ABCC8: variants seen among roughly 807,000 people sequenced by gnomAD.
The protein encoded by ABCC8 is ATP-binding cassette sub-family C member 8.
Under a neutral mutation model 188.0 loss-of-function variants are expected in ABCC8, and 137 were observed. That is an observed-to-expected ratio of 0.73 (90% CI 0.63 to 0.84). The LOEUF (loss-of-function observed/expected upper bound fraction) is 0.84, where lower values mean the gene tolerates loss of function less well. Ranked by LOEUF, ABCC8 falls within the 40% of genes least tolerant of loss-of-function variation. The pLI, the probability that ABCC8 is intolerant of heterozygous loss-of-function variation, is 0.00. For synonymous variants in ABCC8, 797 were observed against 846.5 expected (o/e 0.94, Z 1.01); for missense variants, 1,750 against 2,072.7 (o/e 0.84, Z 3.02).
chr11:17,466,008 C>T (rs1402132842), intron 3 of ABCC8, among the ~76,000 whole-genome samples: 1 of 152,166 alleles, frequency 6.6e-6, no homozygotes, highest in Non-Finnish European at 1.5e-5. Context: ...CATATCCATA[C>T]AGTAGAATAT....
Position 17,427,766 on chromosome 11 carries a change from C to T in ABCC8, c.2116+101G>A, listed in dbSNP as rs948606481. 1 of 1,456,784 alleles carries T rather than the reference C, an allele frequency of 6.9e-7. No individual in the cohort carries two copies. The highest frequency in any genetic ancestry group is 9.4e-7 in the Non-Finnish European group (1 of 1,068,146). The allele number at this position is 1,456,784 out of a possible 1,614,324, so 90.2% of individuals were successfully genotyped here. On this transcript the variant is annotated intron_variant, in intron 15 of 38. Coordinates refer to ENST00000389817, the MANE Select transcript of ABCC8 (RefSeq NM_000352.6). The surrounding 1 kb of genome is among the most constrained non-coding windows in gnomAD (Gnocchi z 5.0). The stretch of plus-strand genomic sequence containing the variant: ...ACCCAGGGCATACACCAAGAATGAG[C>T]AGAGAGTAGGTGCTCAATAAATGCA...
chr11:17,416,019 C>A (rs922397667), intron 17 of ABCC8, among the ~76,000 whole-genome samples: 1 of 152,228 alleles, frequency 6.6e-6, no homozygotes, highest in African/African-American at 2.4e-5. Flanking sequence ...GCCATGAGGT[C>A]TGATTTTTGG....
chr11:17,467,330 T>C (rs1475264785), intron 3 of ABCC8, among the ~76,000 whole-genome samples: 1 of 152,056 alleles, frequency 6.6e-6, no homozygotes, highest in African/African-American at 2.4e-5. Flanking sequence ...GGCACAAGAA[T>C]CCGCTTGAAC....
At position 17,397,042 on chromosome 11, in the gene ABCC8, T is replaced by C; in HGVS notation, c.3993A>G (p.Pro1331=). ...EAESYEGLLA[P]SLIPKNWPDQ... is the part of the protein sequence containing the mutation. ...CTGGCCAGTTCTTTGGGATCAGCGA[T>C]GGTGCTGGGGGCCGGGCTGGGCTCA... The change falls in exon 33 of 39, where the codon CCA becomes CCG. Residue 1331 remains proline, a synonymous_variant. Transcript: ENST00000389817. 1.9e-6 allele frequency: 3 copies of C among 1,614,158 alleles called. No individual in the cohort carries two copies. The highest frequency in any genetic ancestry group is 2.2e-5 in the South Asian group (2 of 91,088).
At chr11:17,463,415 C>T (rs559259981) in intron 4 of ABCC8, 23 bp downstream of exon 4, 4 of 1,585,808 alleles carry the variant, frequency 2.5e-6, no homozygotes, top group East Asian at 2.3e-5. Context: ...CCCACCCCAC[C>T]CTGGCCCAGG....
chr11:17,464,307 C>T (rs1442429309), intron 3 of ABCC8, among the ~76,000 whole-genome samples: 1 of 152,146 alleles, frequency 6.6e-6, no homozygotes, highest in African/African-American at 2.4e-5. Flanking sequence ...GTTCAGAGCC[C>T]ACCACAGCAT....
chr11:17,461,368 G>T, intron 5 of ABCC8: 1 of 634,550 alleles, frequency 1.6e-6, no homozygotes, highest in South Asian at 1.9e-5. Flanking sequence ...CGACCTAAAC[G>T]GTAAGGGCCA....
Position 17,442,768 on chromosome 11 carries a change from T to C in ABCC8, c.1582A>G (p.Lys528Glu). ...AAGGCCCTGAGGCTGGTCATCTCCT[T>C]CCTGCGGGTCGTCTCCACCCGCGTG... ...FRTRVETTRR[K>E]EMTSLRAFAI... The change falls in exon 10 of 39, where the codon AAG becomes GAG. Residue 528 changes from lysine (K) to glutamate (E), a missense_variant. Physicochemically the swap from Lys to Glu is moderately conservative, Grantham distance 56. Transcript: ENST00000389817. 1 of 1,613,990 alleles carries C rather than the reference T, an allele frequency of 6.2e-7. No homozygotes were observed. The highest frequency in any genetic ancestry group is 1.7e-4 in the Middle Eastern group (1 of 5,924).
At chr11:17,460,455 AG>A in intron 6 of ABCC8, 32 bp downstream of exon 6, 1 of 1,613,830 alleles carries the variant, frequency 6.2e-7, no homozygotes, top group East Asian at 2.2e-5. Flanking sequence ...AACCATCTAG[AG>A]GGTGCCTTAC....
rs527281878 is a variant in ABCC8 at position 17,451,190 on chromosome 11, C to T, written c.1176+1929G>A. ...ATTAGTATATTTAATTACAAAACTG[C>T]CCAACCACAAAAGTGGCTGTTGCTT... is the stretch of plus-strand genomic sequence containing the variant. On this transcript the variant is annotated intron_variant, in intron 7 of 38. Transcript: ENST00000389817. Among the ~76,000 whole-genome samples, 4 of 152,266 alleles carry T rather than the reference C, an allele frequency of 2.6e-5. 1 individual carries two copies. The South Asian group carries it at 8.3e-4, about 32-fold the overall frequency.
chr11:17,475,644 C>T (rs1221945890), intron 1 of ABCC8, among the ~76,000 whole-genome samples: 1 of 152,150 alleles, frequency 6.6e-6, no homozygotes, highest in Non-Finnish European at 1.5e-5. Flanking sequence ...CATATGAGCA[C>T]ATATTTTGTA....
intron 12 of ABCC8, 154 bp downstream of exon 12, chr11:17,430,660 G>A: frequency 1.1e-6 from 1 of 902,586 alleles, no homozygotes; most frequent in East Asian, 2.4e-5. Context: ...ACAGGCCAAT[G>A]TCCCTCTGAC....
chr11:17,423,133 C>T (rs1314256797), intron 16 of ABCC8, among the ~76,000 whole-genome samples: 4 of 151,614 alleles, frequency 2.6e-5, no homozygotes, highest in East Asian at 1.9e-4. Context: ...CTGAGGCGGG[C>T]GGATCATGAG....
chr11:17,420,113 A>C (rs572439717), intron 16 of ABCC8, among the ~76,000 whole-genome samples: 1 of 152,338 alleles, frequency 6.6e-6, no homozygotes, highest in African/African-American at 2.4e-5. Flanking sequence ...ATAAATAAAA[A>C]GGGAAGAAGT....
At chr11:17,443,443 T>C in intron 8 of ABCC8, 131 bp from the exon 9 acceptor site, 5 of 1,505,818 alleles carry the variant, frequency 3.3e-6, no homozygotes, top group Non-Finnish European at 4.5e-6. Context: ...CAAATTATCT[T>C]GGGGAGTGGA....
chr11:17,431,786 A>C (rs1365459636), intron 11 of ABCC8, among the ~76,000 whole-genome samples: 1 of 152,254 alleles, frequency 6.6e-6, no homozygotes, highest in East Asian at 1.9e-4. Flanking sequence ...TTTTGTAGAA[A>C]ATGACATATC....
intron 10 of ABCC8, 174 bp from the exon 11 acceptor site, chr11:17,432,418 T>C (rs1191932941): frequency 7.2e-7 from 1 of 1,381,208 alleles, no homozygotes; most frequent in African/African-American, 1.4e-5. Context: ...CTCACCCCAT[T>C]TCCCTCAGGA....
chr11:17,417,433 G>A (rs184875084), intron 16 of ABCC8, among the ~76,000 whole-genome samples: 3 of 152,010 alleles, frequency 2.0e-5, no homozygotes, highest in African/African-American at 7.3e-5. Flanking sequence ...TATTTTTCGT[G>A]ATTTTTTCTC....
At chr11:17,398,914 C>G (rs1367313988) in intron 29 of ABCC8, 1 of 220,390 alleles carries the variant, frequency 4.5e-6, no homozygotes, top group Non-Finnish European at 9.1e-6. Context: ...ATGCTCCACA[C>G]AGTGGCTGGC....
Sources: allele counts gnomAD v4.1 joint callset (sites outside exome capture counted in the v4.1 genomes callset), GRCh38; gene constraint gnomAD v4.1.1; non-coding constraint Gnocchi (gnomAD v3.1); transcripts MANE v1.5; gene names NCBI Gene and HGNC (gene_info 2026-07-23, HGNC 2026-07-21).